CENPW: variants seen among roughly 807,000 people sequenced by gnomAD.
The protein encoded by CENPW is cancer-up-regulated gene 2 protein.
In CENPW, 3 loss-of-function variants were observed where a neutral mutation model predicts 11.1. The ratio of observed to expected loss-of-function variants is 0.27; its 90% CI spans 0.12 to 0.70. The LOEUF (loss-of-function observed/expected upper bound fraction) is 0.70, where lower values mean the gene tolerates loss of function less well. CENPW is among the 30% of genes least tolerant of loss of function. The probability of loss-of-function intolerance (pLI) is 0.77; values close to 1 mark genes in which losing one functional copy is unlikely to be tolerated. For synonymous variants in CENPW, 38 were observed against 42.0 expected (o/e 0.91, Z 0.37); for missense variants, 100 against 105.6 (o/e 0.95, Z 0.23).
At chr6:126,424,335 A>G in the CENPW span, among the ~76,000 whole-genome samples, 1 of 151,970 alleles carries the variant, frequency 6.6e-6, no homozygotes, top group South Asian at 2.1e-4. Flanking sequence ...CACCACTGAG[A>G]CCTCTTATTC....
chr6:126,379,700 A>G, the CENPW span, among the ~76,000 whole-genome samples: 2 of 152,176 alleles, frequency 1.3e-5, no homozygotes, highest in African/African-American at 4.8e-5. Context: ...TTTACGTATA[A>G]CTGGTAAAAA....
chr6:126,358,190 T>A, the CENPW span, among the ~76,000 whole-genome samples: 1 of 152,184 alleles, frequency 6.6e-6, no homozygotes, highest in Non-Finnish European at 1.5e-5. Context: ...TTTGAATTCC[T>A]TTTCCTTCTT....
At chr6:126,392,877 G>A in the CENPW span, among the ~76,000 whole-genome samples, 1 of 151,886 alleles carries the variant, frequency 6.6e-6, no homozygotes, top group East Asian at 1.9e-4. Flanking sequence ...TTTGGTATTA[G>A]TACTTCTTTA....
the CENPW span, among the ~76,000 whole-genome samples, chr6:126,436,986 C>T: frequency 6.7e-6 from 1 of 149,824 alleles, no homozygotes; most frequent in African/African-American, 2.4e-5. Flanking sequence ...TATGTTGTCA[C>T]ATGATGCAAA....
chr6:126,409,753 T>C, the CENPW span, among the ~76,000 whole-genome samples: 4 of 152,032 alleles, frequency 2.6e-5, no homozygotes, highest in African/African-American at 7.2e-5. Context: ...TTGTTTTCAT[T>C]TGAGTGAAAT....
the CENPW span, among the ~76,000 whole-genome samples, chr6:126,369,723 T>A: frequency 6.6e-6 from 1 of 152,248 alleles, no homozygotes; most frequent in Non-Finnish European, 1.5e-5. Context: ...TCCCACTTTG[T>A]GTGTTGTCTG....
the CENPW span, among the ~76,000 whole-genome samples, chr6:126,400,308 T>A: frequency 6.6e-6 from 1 of 152,160 alleles, no homozygotes; most frequent in African/African-American, 2.4e-5. Flanking sequence ...TCCTGATAGA[T>A]AATGATGTTG....
the CENPW span, among the ~76,000 whole-genome samples, chr6:126,375,020 G>T: frequency 2.4e-4 from 37 of 152,238 alleles, 1 homozygote; most frequent in East Asian, 3.3e-3. Flanking sequence ...TGCTCCTCAG[G>T]TTAATTTTAT....
At chr6:126,415,575 C>A in the CENPW span, among the ~76,000 whole-genome samples, 1 of 152,106 alleles carries the variant, frequency 6.6e-6, no homozygotes, top group Non-Finnish European at 1.5e-5. Context: ...TTGGCTGTGT[C>A]CCCACCCAAA....
the CENPW span, among the ~76,000 whole-genome samples, chr6:126,359,606 G>A: frequency 1.3e-5 from 2 of 152,048 alleles, no homozygotes; most frequent in Non-Finnish European, 2.9e-5. Flanking sequence ...GTGCCCTAAT[G>A]TTGGGTGATT....
At chr6:126,476,915 G>T in the CENPW span, among the ~76,000 whole-genome samples, 1 of 151,916 alleles carries the variant, frequency 6.6e-6, no homozygotes, top group African/African-American at 2.4e-5. Flanking sequence ...ATGGGTTAAA[G>T]AATGTAAACT....
the CENPW span, among the ~76,000 whole-genome samples, chr6:126,476,302 T>C: frequency 6.6e-6 from 1 of 151,990 alleles, no homozygotes; most frequent in Admixed American, 6.6e-5. Flanking sequence ...CTTAAAATAT[T>C]AATTTGGAAG....
rs1472018927 is a variant in CENPW, at chr6:126,343,830, G to A, written c.127-2375G>A. ...TGAGGGTGGGTCTGCCCAGTCCACTGACTCCAATATTATTTTCCTTTGGCA... is the reference window on the plus strand; with the variant it reads ...TGAGGGTGGGTCTGCCCAGTCCACTAACTCCAATATTATTTTCCTTTGGCA... On this transcript the variant is annotated intron_variant, in intron 1 of 2. Transcript: ENST00000368328. 3.3e-5 allele frequency among the ~76,000 whole-genome samples: 5 copies of A among 152,230 alleles called. No homozygotes were observed. The East Asian group carries it at 9.7e-4, about 29-fold the overall frequency.
At chr6:126,469,591 G>C in the CENPW span, among the ~76,000 whole-genome samples, 2 of 152,206 alleles carry the variant, frequency 1.3e-5, no homozygotes, top group Admixed American at 6.5e-5. Context: ...GAACAGTTAG[G>C]AGGGGTCAGA....
the CENPW span, among the ~76,000 whole-genome samples, chr6:126,361,913 G>C: frequency 6.6e-6 from 1 of 152,216 alleles, no homozygotes; most frequent in African/African-American, 2.4e-5. Flanking sequence ...CTCCAGAGCT[G>C]TGTGCCACAG....
At chr6:126,361,556 A>G in the CENPW span, among the ~76,000 whole-genome samples, 1 of 152,114 alleles carries the variant, frequency 6.6e-6, no homozygotes, top group Admixed American at 6.5e-5. Context: ...TGGCCTCCCA[A>G]AGTGCTGGGA....
chr6:126,429,169 T>C, the CENPW span, among the ~76,000 whole-genome samples: 3 of 152,248 alleles, frequency 2.0e-5, no homozygotes, highest in Middle Eastern at 3.2e-3. Context: ...TGTAGGCTAA[T>C]GATTATTCCT....
the CENPW span, among the ~76,000 whole-genome samples, chr6:126,390,230 A>G: frequency 6.6e-6 from 1 of 152,066 alleles, no homozygotes. Flanking sequence ...GACTACTGCA[A>G]TAGCTTGCTA....
chr6:126,444,744 CAT>C, the CENPW span, among the ~76,000 whole-genome samples: 1 of 151,112 alleles, frequency 6.6e-6, no homozygotes, highest in Admixed American at 6.6e-5. Context: ...CTATTATCTA[CAT>C]GAATATTATC....
Sources: allele counts gnomAD v4.1 joint callset (sites outside exome capture counted in the v4.1 genomes callset), GRCh38; gene constraint gnomAD v4.1.1; transcripts MANE v1.5; gene names NCBI Gene and HGNC (gene_info 2026-07-23, HGNC 2026-07-21).